The following RAB2A variants were observed in gnomAD, a reference collection of about 807,000 sequenced individuals.
RAB2A encodes RAB2A, member RAS oncogene family.
RAB2A carries 7 observed loss-of-function variants against 32.5 expected under a neutral mutation model. The ratio of observed to expected loss-of-function variants is 0.22; its 90% CI spans 0.12 to 0.40. The LOEUF is 0.40. RAB2A is among the 10% of genes least tolerant of loss of function. The pLI is 1.00. For missense variants in RAB2A, 108 were observed against 260.7 expected (o/e 0.41, Z 4.03); for synonymous variants, 79 against 85.2 (o/e 0.93, Z 0.40).
At chr8:60,594,708 C>A (rs1299050752) in intron 6 of RAB2A, among the ~76,000 whole-genome samples, 3 of 152,160 alleles carry the variant, frequency 2.0e-5, no homozygotes, top group Admixed American at 2.0e-4. Flanking sequence ...GTTCAGTTCC[C>A]ACCTATGAGT....
chr8:60,519,126 A>C (rs915086696), intron 1 of RAB2A, among the ~76,000 whole-genome samples: 2 of 114,734 alleles, frequency 1.7e-5, no homozygotes, highest in African/African-American at 3.5e-5. Context: ...GATACGACCT[A>C]GTTCAGGAAC....
At chr8:60,606,101 A>C (rs1213686802) in intron 6 of RAB2A, among the ~76,000 whole-genome samples, 1 of 152,126 alleles carries the variant, frequency 6.6e-6, no homozygotes, top group Non-Finnish European at 1.5e-5. Flanking sequence ...GTGAGCTCAA[A>C]TTGCACCACT....
chr8:60,545,002 C>T (rs1807705642), intron 1 of RAB2A, among the ~76,000 whole-genome samples: 1 of 151,994 alleles, frequency 6.6e-6, no homozygotes. Flanking sequence ...GCCACGGCCT[C>T]CCAAGGTACT....
At chr8:60,530,361 G>T (rs1235788277) in intron 1 of RAB2A, among the ~76,000 whole-genome samples, 1 of 152,024 alleles carries the variant, frequency 6.6e-6, no homozygotes, top group Non-Finnish European at 1.5e-5. Context: ...GGCCAGGCTA[G>T]TTTCAAACTC....
At chr8:60,517,907 A>G (rs1302997849) in intron 1 of RAB2A, among the ~76,000 whole-genome samples, 1 of 152,182 alleles carries the variant, frequency 6.6e-6, no homozygotes, top group African/African-American at 2.4e-5. Flanking sequence ...GGGTTAGGAA[A>G]GCATGAACGA....
At chr8:60,592,231 A>C in intron 6 of RAB2A, 1 of 241,260 alleles carries the variant, frequency 4.1e-6, no homozygotes, top group Non-Finnish European at 8.3e-6. Flanking sequence ...AATTTCCTAT[A>C]GTTTCTGAGA....
chr8:60,545,024 C>T (rs372122117), intron 1 of RAB2A, among the ~76,000 whole-genome samples: 28 of 152,030 alleles, frequency 1.8e-4, no homozygotes, highest in Admixed American at 2.0e-4. Context: ...GGATTACAGG[C>T]GTGAGCCACC....
At position 60,535,248 on chromosome 8, in the gene RAB2A, G is replaced by A. The variant is rs79368568; in HGVS notation, c.46+17995G>A. Reference sequence around the variant, plus strand: ...AAGTTTTGCTGGTTATTTAAGTGCAGTGTCACTATGGAGGTAGTTGAATGA... The same window carrying A: ...AAGTTTTGCTGGTTATTTAAGTGCAATGTCACTATGGAGGTAGTTGAATGA... On this transcript the variant is annotated intron_variant, in intron 1 of 7. Coordinates refer to ENST00000262646, the MANE Select transcript of RAB2A (RefSeq NM_002865.3). 5.0e-3 allele frequency among the ~76,000 whole-genome samples: 765 copies of A among 152,322 alleles called. 8 individuals carry two copies. Among genetic ancestry groups the A allele is most frequent in the African/African-American group, 0.017 (718 of 41,568 alleles).
At chr8:60,598,402 T>TG (rs1804067389) in intron 6 of RAB2A, among the ~76,000 whole-genome samples, 1 of 152,168 alleles carries the variant, frequency 6.6e-6, no homozygotes, top group Non-Finnish European at 1.5e-5. Flanking sequence ...TTTATAAAAC[T>TG]GATTTTACTC....
At chr8:60,520,017 A>G (rs746080940) in intron 1 of RAB2A, among the ~76,000 whole-genome samples, 11 of 152,222 alleles carry the variant, frequency 7.2e-5, no homozygotes, top group Non-Finnish European at 1.3e-4. Context: ...GATTTTTTAA[A>G]AAGTCAGGGT....
At chr8:60,599,340 C>T (rs1804090290) in intron 6 of RAB2A, among the ~76,000 whole-genome samples, 1 of 152,096 alleles carries the variant, frequency 6.6e-6, no homozygotes, top group Non-Finnish European at 1.5e-5. Flanking sequence ...AATATTCAAC[C>T]TTGTAAAATG....
chr8:60,555,927 A>G (rs1364256785), intron 1 of RAB2A, among the ~76,000 whole-genome samples: 3 of 152,358 alleles, frequency 2.0e-5, no homozygotes, highest in African/African-American at 7.2e-5. Context: ...TTGCAGCACT[A>G]TTCACAGTAG....
chr8:60,612,060 A>G (rs1586115911), intron 6 of RAB2A, among the ~76,000 whole-genome samples: 1 of 152,256 alleles, frequency 6.6e-6, no homozygotes, highest in Non-Finnish European at 1.5e-5. Flanking sequence ...TGCTGCACCT[A>G]TCAACCTGTC....
At chr8:60,613,405 G>A (rs796669808) in intron 6 of RAB2A, among the ~76,000 whole-genome samples, 1 of 152,084 alleles carries the variant, frequency 6.6e-6, no homozygotes, top group South Asian at 2.1e-4. Flanking sequence ...CTATGAAGTG[G>A]GCTACATTTA....
At chr8:60,588,781 C>T (rs1803887425) in intron 5 of RAB2A, among the ~76,000 whole-genome samples, 1 of 152,140 alleles carries the variant, frequency 6.6e-6, no homozygotes. Context: ...TTAAGTACAA[C>T]TTCTTTTATG....
intron 3 of RAB2A, among the ~76,000 whole-genome samples, chr8:60,574,340 C>T (rs1402551502): frequency 6.6e-6 from 1 of 152,154 alleles, no homozygotes; most frequent in East Asian, 1.9e-4. Flanking sequence ...TCTTATGCAG[C>T]TTTGTATCCT....
At chr8:60,574,193 C>T (rs140752904) in intron 3 of RAB2A, among the ~76,000 whole-genome samples, 6 of 152,182 alleles carry the variant, frequency 3.9e-5, no homozygotes, top group African/African-American at 1.4e-4. Context: ...CCTTTTTGAC[C>T]CCCATCGGAA....
At chr8:60,600,228 T>C (rs1414904302) in intron 6 of RAB2A, among the ~76,000 whole-genome samples, 1 of 152,110 alleles carries the variant, frequency 6.6e-6, no homozygotes, top group East Asian at 1.9e-4. Context: ...CCAGGCCTGG[T>C]TGGTGTAAGC....
chr8:60,588,436 A>G (rs1291487373), intron 5 of RAB2A, among the ~76,000 whole-genome samples: 2 of 152,218 alleles, frequency 1.3e-5, no homozygotes, highest in African/African-American at 4.8e-5. Flanking sequence ...AACAACCCAA[A>G]TATCAATTAA....
Sources: gnomAD v4.1 joint callset for allele counts (sites outside exome capture counted in the v4.1 genomes callset) on GRCh38, gnomAD v4.1.1 for gene constraint, MANE v1.5 for transcripts, NCBI Gene and HGNC (gene_info 2026-07-23, HGNC 2026-07-21) for gene names.